G3BP2: variants seen among roughly 807,000 people sequenced by gnomAD.
G3BP2 encodes ras GTPase-activating protein-binding protein 2.
In G3BP2, 11 loss-of-function variants were observed where a neutral mutation model predicts 56.7. That is an observed-to-expected ratio of 0.19 (90% CI 0.12 to 0.32). The LOEUF is 0.32. G3BP2 is among the 10% of genes least tolerant of loss of function. The probability of loss-of-function intolerance (pLI) is 1.00; values close to 1 mark genes in which losing one functional copy is unlikely to be tolerated. For synonymous variants in G3BP2, 165 were observed against 191.6 expected, an observed-to-expected ratio of 0.86 and a Z score of 1.15; for missense variants, 340 against 610.9, an observed-to-expected ratio of 0.56 and a Z score of 4.67.
upstream of G3BP2, among the ~76,000 whole-genome samples, chr4:75,674,695 C>CATATATATAT (rs1316726374): frequency 3.3e-4 from 20 of 60,698 alleles, no homozygotes; most frequent in South Asian, 1.9e-3. Context: ...TATGTATGTA[C>CATATATATAT]ATATATATAT....
intron 3 of G3BP2, among the ~76,000 whole-genome samples, chr4:75,714,816 T>A (rs937347446): frequency 2.0e-5 from 3 of 151,982 alleles, no homozygotes; most frequent in African/African-American, 7.3e-5. Context: ...ATAAGAAATG[T>A]GATGCTGGAG....
At chr4:75,714,836 T>A (rs1419536344) in intron 3 of G3BP2, among the ~76,000 whole-genome samples, 1 of 152,094 alleles carries the variant, frequency 6.6e-6, no homozygotes, top group Non-Finnish European at 1.5e-5. Context: ...GATAGAACAG[T>A]CAGCCTGTAA....
chr4:75,680,474 T>TCAGAAAAG (rs1734029180), intron 3 of G3BP2, among the ~76,000 whole-genome samples: 1 of 152,210 alleles, frequency 6.6e-6, no homozygotes, highest in South Asian at 2.1e-4. Context: ...TGAAGATTCT[T>TCAGAAAAG]TATGGCATTT....
At position 75,689,865 on chromosome 4, in the gene G3BP2, T is replaced by C. The variant is rs896777444; in HGVS notation, c.-24-27816A>G. 5.9e-5 allele frequency among the ~76,000 whole-genome samples: 9 copies of C among 152,312 alleles called. No individual in the cohort carries two copies. The South Asian group carries it at 6.2e-4, about 11-fold the overall frequency. The stretch of plus-strand genomic sequence containing the variant: ...GCCAGACACAAAAGAAGATATATTT[T>C]ACAAGTATATGGGTATAAAGTTCAA... On this transcript the variant is annotated intron_variant, in intron 3 of 3. Transcript: ENST00000499709.
intron 1 of G3BP2, among the ~76,000 whole-genome samples, chr4:75,672,114 T>C (rs1054823854): frequency 3.9e-5 from 6 of 152,282 alleles, no homozygotes; most frequent in African/African-American, 7.2e-5. Flanking sequence ...ACAACAATCA[T>C]ACAGGGAGAA....
chr4:75,721,098 G>A (rs1240132203), intron 2 of G3BP2, among the ~76,000 whole-genome samples: 2 of 151,856 alleles, frequency 1.3e-5, no homozygotes, highest in Non-Finnish European at 2.9e-5. Flanking sequence ...GTGCCACCAC[G>A]CCGAGCTAAT....
At chr4:75,723,928 TTGAGAGTTAATAACGAAACATTATG>T (rs1720287850) in intron 1 of G3BP2, 1 of 149,466 alleles carries the variant, frequency 6.7e-6, no homozygotes, top group Non-Finnish European at 1.5e-5. Context: ...AACACAGGGG[TTGAGAGTTAATAACGAAACATTATG>T]TTACTCGCCA....
intron 1 of G3BP2, among the ~76,000 whole-genome samples, chr4:75,669,521 T>A (rs1351234510): frequency 6.6e-6 from 1 of 152,220 alleles, no homozygotes. Flanking sequence ...TCCAAACACC[T>A]GCATTCAGTT....
rs2148938841 is a variant in G3BP2, at chr4:75,645,677, C to T, written c.1202G>A (p.Arg401His). 1 of 1,613,980 alleles carries T rather than the reference C, an allele frequency of 6.2e-7. No homozygotes were observed. The highest frequency in any genetic ancestry group is 8.5e-7 in the Non-Finnish European group (1 of 1,179,938). Residue 401 changes from arginine (R) to histidine (H), a missense_variant, in exon 12 of 12, where the codon CGT (arginine) becomes CAT (histidine). Arg to His is a conservative substitution (Grantham distance 29). Transcript: ENST00000359707. The part of the protein sequence containing the change: ...AKPIMFRGEV[R>H]LNVEEKKTRA... ...TGTTTTTTTCTCTTCCACATTTAAA[C>T]GTACTTCCCCTCGAAACATAATCGG...
At chr4:75,646,567 A>G (rs1731220903) in intron 10 of G3BP2, 111 bp from the exon 11 acceptor site, 1 of 752,720 alleles carries the variant, frequency 1.3e-6, no homozygotes, top group South Asian at 1.6e-5. Context: ...TTAAAATAAA[A>G]CTCGCAAGCT....
In G3BP2 at chr4:75,648,326, G is replaced by A. The variant is rs774869304; in HGVS notation, c.928+313C>T. Among the ~76,000 whole-genome samples, 5 of 137,278 alleles carry A rather than the reference G, an allele frequency of 3.6e-5. No homozygotes were observed. In the Admixed American group the frequency reaches 4.1e-4, roughly 11 times the overall value. 90.1% of individuals were successfully genotyped at this position (137,278 alleles called of 152,430 possible). The stretch of plus-strand genomic sequence containing the variant: ...TCACGCCATTGTACTCCAGCCTGGC[G>A]ACAGAGCAAGACTCCGTCTCAAAAA... On this transcript the variant is annotated intron_variant, in intron 9 of 11. Transcript: ENST00000359707.
At chr4:75,675,310 T>G (rs1733831105), upstream of G3BP2, among the ~76,000 whole-genome samples, 1 of 152,188 alleles carries the variant, frequency 6.6e-6, no homozygotes. Context: ...CCTGCAGAGG[T>G]GCAGAACTTT....
intron 3 of G3BP2, among the ~76,000 whole-genome samples, chr4:75,713,359 T>C (rs138554409): frequency 6.6e-6 from 1 of 152,262 alleles, no homozygotes; most frequent in East Asian, 1.9e-4. Context: ...AGTGAAAGTT[T>C]GATGAGAAAC....
intron 3 of G3BP2, among the ~76,000 whole-genome samples, chr4:75,680,729 G>A (rs1223803099): frequency 6.6e-6 from 1 of 152,208 alleles, no homozygotes; most frequent in Non-Finnish European, 1.5e-5. Context: ...CACTTTGGGA[G>A]GCTGAGGCGG....
chr4:75,674,015 G>C (rs960395141), upstream of G3BP2: 1 of 152,408 alleles, frequency 6.6e-6, no homozygotes, highest in African/African-American at 2.4e-5. Flanking sequence ...TACGAATTTA[G>C]GCATGGCTAA....
chr4:75,667,896 C>CA (rs1199650848), intron 1 of G3BP2, among the ~76,000 whole-genome samples: 3 of 152,072 alleles, frequency 2.0e-5, no homozygotes, highest in Non-Finnish European at 4.4e-5. Context: ...TCTCAAAAAA[C>CA]AAAAAACCGA....
chr4:75,670,787 G>A (rs1483681202), intron 1 of G3BP2, among the ~76,000 whole-genome samples: 1 of 151,720 alleles, frequency 6.6e-6, no homozygotes, highest in African/African-American at 2.4e-5. Flanking sequence ...TTGAAATCAG[G>A]TCTCCTGACT....
intron 8 of G3BP2, among the ~76,000 whole-genome samples, chr4:75,653,589 T>TTTTAAAAAAA: frequency 8.2e-6 from 1 of 121,534 alleles, no homozygotes; most frequent in Non-Finnish European, 1.7e-5. Context: ...TTTTTTGCTT[T>TTTTAAAAAAA]AAAAAAAAAA....
At chr4:75,719,725 G>A (rs1032799271) in intron 3 of G3BP2, among the ~76,000 whole-genome samples, 28 of 151,954 alleles carry the variant, frequency 1.8e-4, no homozygotes, top group Non-Finnish European at 4.1e-4. Flanking sequence ...GAGTAGCTAG[G>A]ATTACAGGCA....
Sources: allele counts gnomAD v4.1 joint callset (sites outside exome capture counted in the v4.1 genomes callset), GRCh38; gene constraint gnomAD v4.1.1; transcripts MANE v1.5; gene names NCBI Gene and HGNC (gene_info 2026-07-23, HGNC 2026-07-21).